Variants in ASPG observed in about 807,000 individuals in gnomAD.
ASPG encodes 60 kDa lysophospholipase.
ASPG carries 53 observed loss-of-function variants against 63.2 expected under a neutral mutation model. The observed-to-expected ratio is 0.84, with a 90% CI of 0.67 to 1.05. ASPG has a LOEUF of 1.05. Among genes scored for constraint, ASPG ranks in the 50% least tolerant of loss-of-function variants. The pLI, the probability that ASPG is intolerant of heterozygous loss-of-function variation, is 0.00. For missense variants in ASPG, 741 were observed against 794.4 expected (o/e 0.93, Z 0.81); for synonymous variants, 370 against 355.0 (o/e 1.04, Z -0.48).
At position 104,105,043 on chromosome 14, in the gene ASPG, G is replaced by C. The variant is rs954583089; in HGVS notation, c.1051-285G>C. ...TCTCCTGCTCTCCACTCTTCCTCGA[G>C]GGTGGGGTTCAGACACAGCTGGCCC... On this transcript the variant is annotated intron_variant, in intron 9 of 15. Transcript: ENST00000551177. The C allele has an allele frequency of 4.1e-5, 24 of 583,422 alleles. No homozygotes were observed. In the Middle Eastern group the frequency reaches 1.4e-3, roughly 33 times the overall value. 36.1% of individuals were successfully genotyped at this position (583,422 alleles called of 1,614,324 possible). A position where few individuals can be genotyped will look rare whatever the true frequency, so the allele number is the denominator to read the frequency against.
Position 104,106,897 on chromosome 14 carries a change from G to A in ASPG, c.1269+3G>A. The A allele has an allele frequency of 2.5e-6, 4 of 1,569,884 alleles. No individual in the cohort carries two copies. The highest frequency in any genetic ancestry group is 3.4e-6 in the Non-Finnish European group (4 of 1,161,320). ...CGCTGCAGGCGCTTGTGGAGCTGGTGAGCCTCCCCCACCCTGGGGGCCCAG... is the reference window on the plus strand; with the variant it reads ...CGCTGCAGGCGCTTGTGGAGCTGGTAAGCCTCCCCCACCCTGGGGGCCCAG... On this transcript the variant is annotated splice_donor_region_variant and intron_variant, in intron 11 of 15. Coordinates refer to ENST00000551177, the MANE Select transcript of ASPG (RefSeq NM_001080464.3).
Position 104,109,217 on chromosome 14 carries a change from A to G in ASPG, c.1434-12A>G. 1 of 1,612,710 alleles carries G rather than the reference A, an allele frequency of 6.2e-7. No homozygotes were observed. Among genetic ancestry groups the G allele is most frequent in the Non-Finnish European group, 8.5e-7 (1 of 1,179,566 alleles). On this transcript the variant is annotated splice_polypyrimidine_tract_variant and intron_variant, in intron 12 of 15. Transcript: ENST00000551177. The surrounding 1 kb of genome is among the most constrained non-coding windows in gnomAD (Gnocchi z 4.8). ...GCCAGGGCAGAAGGTCAGCATGCTC[A>G]TTCTCACACAGGCATCCGGGTGTCA... is the stretch of plus-strand genomic sequence containing the variant.
At chr14:104,101,807 T>G (rs1388834503) in intron 6 of ASPG, among the ~76,000 whole-genome samples, 1 of 152,150 alleles carries the variant, frequency 6.6e-6, no homozygotes, top group Non-Finnish European at 1.5e-5. Flanking sequence ...CATCCAGCTT[T>G]GAGGCCGCAG....
At chr14:104,102,909 C>G (rs1431518991) in intron 6 of ASPG, among the ~76,000 whole-genome samples, 1 of 152,210 alleles carries the variant, frequency 6.6e-6, no homozygotes, top group Non-Finnish European at 1.5e-5. Flanking sequence ...ATCACCCACC[C>G]TGGGTGTGGG....
chr14:104,088,419 C>T (rs186922900), intron 1 of ASPG, among the ~76,000 whole-genome samples: 8 of 152,182 alleles, frequency 5.3e-5, no homozygotes, highest in Admixed American at 2.0e-4. Flanking sequence ...AATCCAAACA[C>T]GGCTGATAAC....
chr14:104,093,927 T>A (rs1596070618), intron 3 of ASPG, among the ~76,000 whole-genome samples: 1 of 20,516 alleles, frequency 4.9e-5, no homozygotes, highest in South Asian at 1.8e-3. Context: ...AGGGTGTGGG[T>A]GGGGCTATGA....
In ASPG at chr14:104,103,682, A is replaced by G. The variant is rs1160270720; in HGVS notation, c.753+7A>G. On this transcript the variant is annotated splice_region_variant and intron_variant, in intron 7 of 15. Transcript: ENST00000551177. ...TGGGATCCCTGCCGCCCTGGTAGGG[A>G]CCGCCCCGGCCATCCTGCCCCTGCA... The G allele has an allele frequency of 6.5e-7, 1 of 1,545,926 alleles. No individual in the cohort carries two copies. Among genetic ancestry groups the G allele is most frequent in the East Asian group, 2.4e-5 (1 of 40,876 alleles).
chr14:104,099,005 G>T, intron 6 of ASPG, 26 bp downstream of exon 6: 9 of 1,563,274 alleles, frequency 5.8e-6, no homozygotes, highest in Non-Finnish European at 6.9e-6. Flanking sequence ...GCAGGGCCAG[G>T]TGCCTGCCCA....
At chr14:104,111,748 C>A in intron 14 of ASPG, 147 bp downstream of exon 14, 1 of 896,500 alleles carries the variant, frequency 1.1e-6, no homozygotes, top group Non-Finnish European at 1.7e-6. Flanking sequence ...CCCGCACAGA[C>A]TGGGTCCCCT....
Position 104,111,981 on chromosome 14 carries a change from G to T in ASPG, c.1682G>T (p.Gly561Val). Residue 561 changes from glycine to valine, a missense_variant, in exon 15 of 16, where the codon GGT becomes GTT. Coordinates refer to ENST00000551177, the MANE Select transcript of ASPG (RefSeq NM_001080464.3). ...AFLQSLEGAV[G>V]AQAPCPEVLP... ...CTACAGAGCCTGGAGGGTGCGGTTGGTGCCCAGGCCCCATGCCCAGTAAGT... is the reference window on the plus strand; with the variant it reads ...CTACAGAGCCTGGAGGGTGCGGTTGTTGCCCAGGCCCCATGCCCAGTAAGT... 1.3e-6 allele frequency: 2 copies of T among 1,555,778 alleles called. No homozygotes were observed. The highest frequency in any genetic ancestry group is 1.7e-6 in the Non-Finnish European group (2 of 1,149,424).
Position 104,109,303 on chromosome 14 carries a change from C to A in ASPG, c.1508C>A (p.Thr503Lys). 1 of 1,611,204 alleles carries A rather than the reference C, an allele frequency of 6.2e-7. No homozygotes were observed. The highest frequency in any genetic ancestry group is 8.5e-7 in the Non-Finnish European group (1 of 1,179,154). ...ACCCAGGAGCTGGAGGAAGCAGGGACGGAGCTGTGCAGGTGAGTGCAGCTA... is the reference window on the plus strand; with the variant it reads ...ACCCAGGAGCTGGAGGAAGCAGGGAAGGAGCTGTGCAGGTGAGTGCAGCTA... ...LSTQELEEAG[T>K]ELCRLAYRAD... Residue 503 changes from threonine to lysine, a missense_variant, in exon 13 of 16, where the codon ACG becomes AAG. Physicochemically the swap from Thr to Lys is moderately conservative, Grantham distance 78. Transcript: ENST00000551177. The surrounding 1 kb of genome is among the most constrained non-coding windows in gnomAD (Gnocchi z 4.8).
At chr14:104,102,724 C>A (rs2036932838) in intron 6 of ASPG, among the ~76,000 whole-genome samples, 1 of 152,190 alleles carries the variant, frequency 6.6e-6, no homozygotes, top group Admixed American at 6.5e-5. Flanking sequence ...CACCCCCACC[C>A]ACATGGAGCG....
intron 6 of ASPG, among the ~76,000 whole-genome samples, chr14:104,100,362 A>G (rs1392614971): frequency 1.3e-5 from 2 of 152,074 alleles, no homozygotes; most frequent in Non-Finnish European, 2.9e-5. Flanking sequence ...GGATCTCAAG[A>G]CAAGGCCTGT....
At position 104,115,006 on chromosome 14, in the gene ASPG, C is replaced by G. The variant is rs2037443469; in HGVS notation, c.*2462C>G. ...CCCGCCTCCCCACAGTGGGGTGGCG[C>G]CGCTCACACCTGGTAATTTCACGCT... On this transcript the variant is annotated 3_prime_UTR_variant, in exon 16 of 16. Coordinates refer to ENST00000551177, the MANE Select transcript of ASPG (RefSeq NM_001080464.3). 6.6e-6 allele frequency: 1 copy of G among 152,142 alleles called. No individual in the cohort carries two copies. Among genetic ancestry groups the G allele is most frequent in the Non-Finnish European group, 1.5e-5 (1 of 68,026 alleles). 9.4% of individuals were successfully genotyped at this position (152,142 alleles called of 1,614,324 possible). A position where few individuals can be genotyped will look rare whatever the true frequency, so the allele number is the denominator to read the frequency against.
At chr14:104,097,303 A>G (rs2036637464) in intron 4 of ASPG, among the ~76,000 whole-genome samples, 1 of 152,066 alleles carries the variant, frequency 6.6e-6, no homozygotes. Flanking sequence ...GCAGGCTGGC[A>G]TCGTCTGCAG....
chr14:104,109,410 G>C lies in ASPG; in HGVS notation c.1520+95G>C. ...CTGCTGGGAGGGACAAGTGAGTCAG[G>C]GTGTGGGGGCTTTCAGAGGCGAGGC... On this transcript the variant is annotated intron_variant, in intron 13 of 15. Transcript: ENST00000551177. This position sits in a 1 kb window ranked among gnomAD's most constrained non-coding sequence, Gnocchi z 4.8. 7.3e-7 allele frequency: 1 copy of C among 1,376,078 alleles called. No homozygotes were observed. Among genetic ancestry groups the C allele is most frequent in the Non-Finnish European group, 9.8e-7 (1 of 1,024,788 alleles). 85.2% of individuals were successfully genotyped at this position (1,376,078 alleles called of 1,614,324 possible).
In ASPG at chr14:104,110,916, G is replaced by A; in HGVS notation, c.1521-586G>A. The A allele has an allele frequency of 1.0e-6, 1 of 985,396 alleles. No individual in the cohort carries two copies. The highest frequency in any genetic ancestry group is 1.2e-6 in the Non-Finnish European group (1 of 829,904). The allele number at this position is 985,396 out of a possible 1,614,324, so 61.0% of individuals were successfully genotyped here. ...GTGCTCCCCACTCCAGGGCAGGTGG[G>A]CCCAGACCCCTGTCCCAGCCAGGAC... On this transcript the variant is annotated intron_variant, in intron 13 of 15. Transcript: ENST00000551177. The surrounding 1 kb of genome is among the most constrained non-coding windows in gnomAD (Gnocchi z 4.7).
rs2037349639 is a variant in ASPG, at chr14:104,110,753, C to T, written c.1521-749C>T. On this transcript the variant is annotated intron_variant, in intron 13 of 15. Transcript: ENST00000551177. This position sits in a 1 kb window ranked among gnomAD's most constrained non-coding sequence, Gnocchi z 4.7. The stretch of plus-strand genomic sequence containing the variant: ...CCCCTTCCTCACCAGGCCACTTCCC[C>T]CAGCCCCTGCACACCATGGGTGGGT... The T allele has an allele frequency of 1.0e-6, 1 of 985,272 alleles. No individual in the cohort carries two copies. Among genetic ancestry groups the T allele is most frequent in the Non-Finnish European group, 1.2e-6 (1 of 829,896 alleles). The allele number at this position is 985,272 out of a possible 1,614,324, so 61.0% of individuals were successfully genotyped here.
chr14:104,111,246 T>G, intron 13 of ASPG: 1 of 906,778 alleles, frequency 1.1e-6, no homozygotes, highest in Non-Finnish European at 1.3e-6. Context: ...TGTATGCTGC[T>G]GTGTGTGCAT....
Sources: gnomAD v4.1 joint callset for allele counts (sites outside exome capture counted in the v4.1 genomes callset) on GRCh38, gnomAD v4.1.1 for gene constraint, Gnocchi (gnomAD v3.1) non-coding constraint, MANE v1.5 for transcripts, NCBI Gene and HGNC (gene_info 2026-07-23, HGNC 2026-07-21) for gene names.